The following CSMD3 variants were observed in gnomAD, a reference collection of about 807,000 sequenced individuals.
CSMD3 encodes CUB and Sushi multiple domains 3.
CSMD3 carries 177 observed loss-of-function variants against 435.2 expected under a neutral mutation model. The ratio of observed to expected loss-of-function variants is 0.41; its 90% CI spans 0.36 to 0.46. The LOEUF (loss-of-function observed/expected upper bound fraction) is 0.46. Among genes scored for constraint, CSMD3 ranks in the 20% least tolerant of loss-of-function variants. The probability of loss-of-function intolerance (pLI) is 0.34; values close to 1 mark genes in which losing one functional copy is unlikely to be tolerated. For missense variants in CSMD3, 4,265 were observed against 4,504.6 expected, an observed-to-expected ratio of 0.95 and a Z score of 1.52; for synonymous variants, 1,656 against 1,520.5, an observed-to-expected ratio of 1.09 and a Z score of -2.07.
intron 25 of CSMD3, among the ~76,000 whole-genome samples, chr8:112,553,207 C>G (rs1299297732): frequency 2.0e-5 from 3 of 152,046 alleles, no homozygotes; most frequent in Admixed American, 2.0e-4. Context: ...CCCTTGTACT[C>G]TCCCAAAAGT....
At chr8:112,274,467 T>C (rs1176100769) in intron 59 of CSMD3, among the ~76,000 whole-genome samples, 1 of 152,046 alleles carries the variant, frequency 6.6e-6, no homozygotes, top group Non-Finnish European at 1.5e-5. Context: ...TGGGACATGG[T>C]ACCAGAGTCG....
chr8:112,388,071 A>G (rs946779314), intron 36 of CSMD3, among the ~76,000 whole-genome samples: 6 of 152,194 alleles, frequency 3.9e-5, no homozygotes, highest in African/African-American at 1.2e-4. Flanking sequence ...TGAGACAGAA[A>G]TGTTAAGTAA....
chr8:112,449,217 C>T (rs1815983901), intron 32 of CSMD3, among the ~76,000 whole-genome samples: 1 of 152,088 alleles, frequency 6.6e-6, no homozygotes, highest in Admixed American at 6.5e-5. Flanking sequence ...TAAAATGTAA[C>T]CCCATCTTAG....
intron 22 of CSMD3, among the ~76,000 whole-genome samples, chr8:112,626,547 T>A (rs7819065): frequency 0.48 from 73,515 of 151,846 alleles, 18,312 homozygotes; most frequent in African/African-American, 0.57. Context: ...ATTTTATTTT[T>A]AAAAAATGGA....
chr8:112,641,425 T>C (rs370782783), intron 20 of CSMD3, among the ~76,000 whole-genome samples: 40 of 152,286 alleles, frequency 2.6e-4, no homozygotes, highest in African/African-American at 9.1e-4. Context: ...AAAAGGTACA[T>C]GAACCAAAAT....
intron 9 of CSMD3, among the ~76,000 whole-genome samples, chr8:112,934,497 T>C (rs1265178511): frequency 6.6e-6 from 1 of 152,186 alleles, no homozygotes; most frequent in African/African-American, 2.4e-5. Flanking sequence ...ACTATTAATA[T>C]ATTCCTTTCA....
chr8:112,977,962 C>T (rs868539363), intron 6 of CSMD3, among the ~76,000 whole-genome samples: 6 of 151,950 alleles, frequency 3.9e-5, no homozygotes, highest in Non-Finnish European at 4.4e-5. Context: ...TCATGGTAAA[C>T]TGTACATTTG....
chr8:112,549,504 T>G (rs1440832698), intron 27 of CSMD3, among the ~76,000 whole-genome samples: 4 of 152,050 alleles, frequency 2.6e-5, no homozygotes, highest in African/African-American at 9.6e-5. Flanking sequence ...TTGTGTTCCA[T>G]AAACAAAAAG....
chr8:112,346,046 G>A (rs2131021953), intron 41 of CSMD3, 51 bp downstream of exon 41: 1 of 978,862 alleles, frequency 1.0e-6, no homozygotes, highest in Non-Finnish European at 1.7e-6. Context: ...TTATTTTAAG[G>A]CTACATTAAT....
intron 2 of CSMD3, among the ~76,000 whole-genome samples, chr8:113,304,799 G>T (rs1177401389): frequency 7.2e-6 from 1 of 139,658 alleles, no homozygotes; most frequent in Non-Finnish European, 1.5e-5. Flanking sequence ...AGCATTGGGA[G>T]ATGTACCTAA....
chr8:113,423,818 C>A (rs1328947172), intron 1 of CSMD3, among the ~76,000 whole-genome samples: 1 of 151,760 alleles, frequency 6.6e-6, no homozygotes, highest in African/African-American at 2.4e-5. Flanking sequence ...TAAATCAATG[C>A]ATGTTACTCA....
At chr8:112,259,334 A>C (rs537049840) in intron 61 of CSMD3, among the ~76,000 whole-genome samples, 4 of 152,116 alleles carry the variant, frequency 2.6e-5, no homozygotes, top group Non-Finnish European at 4.4e-5. Context: ...GCAAACTAAC[A>C]CAAGAACAGA....
chr8:113,230,621 T>C (rs1195293879), intron 3 of CSMD3, among the ~76,000 whole-genome samples: 1 of 151,596 alleles, frequency 6.6e-6, no homozygotes, highest in Admixed American at 6.6e-5. Flanking sequence ...TCATTACATA[T>C]TCTAAAGACA....
At chr8:112,492,213 C>T (rs1321355858) in intron 31 of CSMD3, among the ~76,000 whole-genome samples, 1 of 152,116 alleles carries the variant, frequency 6.6e-6, no homozygotes, top group Non-Finnish European at 1.5e-5. Context: ...CCTGAAGGCA[C>T]ACAAATTAGC....
At chr8:112,418,319 T>C (rs1812130323) in intron 32 of CSMD3, among the ~76,000 whole-genome samples, 1 of 152,192 alleles carries the variant, frequency 6.6e-6, no homozygotes, top group Non-Finnish European at 1.5e-5. Context: ...GTTTGTTACA[T>C]ATGTATACAT....
At chr8:113,151,735 C>T (rs564307454) in intron 4 of CSMD3, among the ~76,000 whole-genome samples, 2 of 151,918 alleles carry the variant, frequency 1.3e-5, no homozygotes, top group Non-Finnish European at 2.9e-5. Flanking sequence ...TGTAGTGAGA[C>T]TACCTACAGA....
intron 7 of CSMD3, among the ~76,000 whole-genome samples, chr8:112,966,596 A>G (rs528478275): frequency 6.6e-6 from 1 of 151,500 alleles, no homozygotes; most frequent in Non-Finnish European, 1.5e-5. Context: ...TTGTTATTTG[A>G]TACATTGAAA....
At chr8:113,087,665 C>T (rs908790733) in intron 5 of CSMD3, among the ~76,000 whole-genome samples, 11 of 151,846 alleles carry the variant, frequency 7.2e-5, no homozygotes, top group African/African-American at 2.7e-4. Flanking sequence ...ATGTAGAAAG[C>T]TGAAACTGGA....
chr8:112,485,102 T>C (rs960862572), intron 31 of CSMD3, among the ~76,000 whole-genome samples: 42 of 152,162 alleles, frequency 2.8e-4, no homozygotes, highest in African/African-American at 9.7e-4. Context: ...ACAGAGTGTA[T>C]GTAAGACTGT....
Sources: allele counts gnomAD v4.1 joint callset (sites outside exome capture counted in the v4.1 genomes callset), GRCh38; gene constraint gnomAD v4.1.1; transcripts MANE v1.5; gene names NCBI Gene and HGNC (gene_info 2026-07-23, HGNC 2026-07-21).